Variants in ARHGAP26 observed in about 807,000 individuals in gnomAD.
The protein encoded by ARHGAP26 is Rho GTPase activating protein 26.
In ARHGAP26, 38 loss-of-function variants were observed where a neutral mutation model predicts 104.8. The observed-to-expected ratio is 0.36, with a 90% CI of 0.28 to 0.48. The LOEUF is 0.48. Among genes scored for constraint, ARHGAP26 ranks in the 20% least tolerant of loss-of-function variants. The pLI, the probability that ARHGAP26 is intolerant of heterozygous loss-of-function variation, is 0.99. For synonymous variants in ARHGAP26, 341 were observed against 340.0 expected (o/e 1.00, Z -0.03); for missense variants, 704 against 947.9 (o/e 0.74, Z 3.38).
intron 22 of ARHGAP26, 55 bp from the exon 23 acceptor site, chr5:143,222,303 G>C: frequency 7.7e-7 from 1 of 1,304,316 alleles, no homozygotes; most frequent in South Asian, 1.5e-5. Context: ...CACATCTGCC[G>C]CCTGCTCTAT....
intron 17 of ARHGAP26, among the ~76,000 whole-genome samples, chr5:143,092,158 G>GTTTTTTTT (rs896970979): frequency 8.5e-6 from 1 of 117,496 alleles, no homozygotes. Flanking sequence ...ACATCCCTTT[G>GTTTTTTTT]TTTTTTTTTT....
At chr5:142,976,035 T>C (rs547951187) in intron 11 of ARHGAP26, among the ~76,000 whole-genome samples, 1 of 152,370 alleles carries the variant, frequency 6.6e-6, no homozygotes, top group African/African-American at 2.4e-5. Flanking sequence ...AAGTATATTA[T>C]GCCATATGCC....
intron 20 of ARHGAP26, among the ~76,000 whole-genome samples, chr5:143,190,682 A>C (rs747629919): frequency 1.2e-4 from 19 of 152,256 alleles, no homozygotes; most frequent in Non-Finnish European, 2.4e-4. Flanking sequence ...GACCAAAATT[A>C]AAAATGTTTG....
chr5:143,064,284 G>A (rs971043118), intron 17 of ARHGAP26, among the ~76,000 whole-genome samples: 3 of 152,004 alleles, frequency 2.0e-5, no homozygotes, highest in Non-Finnish European at 2.9e-5. Flanking sequence ...TAGGCATTTG[G>A]GTTTTCAATC....
chr5:142,889,809 TG>T (rs1758239318), intron 5 of ARHGAP26, among the ~76,000 whole-genome samples: 1 of 151,870 alleles, frequency 6.6e-6, no homozygotes, highest in African/African-American at 2.4e-5. Context: ...TCACAGTTTT[TG>T]GGTTATGCAA....
At chr5:142,971,027 A>G (rs753639431) in intron 11 of ARHGAP26, among the ~76,000 whole-genome samples, 17 of 152,146 alleles carry the variant, frequency 1.1e-4, no homozygotes, top group East Asian at 1.9e-4. Flanking sequence ...AGATTCTACA[A>G]ATTTTTTAGG....
At chr5:143,066,403 C>G (rs1361678301) in intron 17 of ARHGAP26, among the ~76,000 whole-genome samples, 3 of 152,136 alleles carry the variant, frequency 2.0e-5, no homozygotes, top group Non-Finnish European at 4.4e-5. Context: ...TTCTGGAAAA[C>G]CTAAAGTAAT....
At chr5:143,158,744 C>T (rs1202765983) in intron 20 of ARHGAP26, among the ~76,000 whole-genome samples, 2 of 152,164 alleles carry the variant, frequency 1.3e-5, no homozygotes, top group Non-Finnish European at 2.9e-5. Flanking sequence ...GGTGATGGGG[C>T]TATTCCCTGG....
intron 17 of ARHGAP26, among the ~76,000 whole-genome samples, chr5:143,114,788 T>C (rs1475742748): frequency 6.6e-6 from 1 of 152,130 alleles, no homozygotes; most frequent in Non-Finnish European, 1.5e-5. Flanking sequence ...TGTAGAAATG[T>C]CCCATGGGAT....
At chr5:142,920,866 A>G (rs1763102497) in intron 10 of ARHGAP26, among the ~76,000 whole-genome samples, 2 of 152,212 alleles carry the variant, frequency 1.3e-5, no homozygotes, top group Non-Finnish European at 2.9e-5. Context: ...CTGGGGGGAA[A>G]GTAACAAACA....
chr5:142,994,015 C>T (rs1776025894), intron 11 of ARHGAP26, among the ~76,000 whole-genome samples: 1 of 152,184 alleles, frequency 6.6e-6, no homozygotes, highest in East Asian at 1.9e-4. Context: ...TTTTAGATGG[C>T]CTTGGTTCCT....
chr5:143,217,332 C>T (rs764750312), intron 22 of ARHGAP26, among the ~76,000 whole-genome samples: 9 of 152,100 alleles, frequency 5.9e-5, no homozygotes, highest in Non-Finnish European at 7.4e-5. Flanking sequence ...ATGTGCAATA[C>T]GTGCAATACC....
intron 1 of ARHGAP26, among the ~76,000 whole-genome samples, chr5:142,808,578 G>GAATACA (rs1561876551): frequency 1.3e-5 from 2 of 151,964 alleles, no homozygotes; most frequent in Admixed American, 1.3e-4. Flanking sequence ...GCAGGGTCTG[G>GAATACA]CCAGAAATAC....
intron 1 of ARHGAP26, among the ~76,000 whole-genome samples, chr5:142,784,409 A>T (rs1044810154): frequency 1.2e-4 from 18 of 152,044 alleles, no homozygotes; most frequent in African/African-American, 3.9e-4. Flanking sequence ...CTTGCTTGGG[A>T]TTTTGTGCTT....
At chr5:142,771,484 C>A in intron 1 of ARHGAP26, 3 of 1,098,952 alleles carry the variant, frequency 2.7e-6, no homozygotes, top group South Asian at 4.7e-5. Flanking sequence ...GTATTGGCAG[C>A]CAGTAATCTC....
rs569106709 is a variant in ARHGAP26 at position 142,774,128 on chromosome 5, C to G, written c.154+3213C>G. Among the ~76,000 whole-genome samples, 4 of 152,282 alleles carry G rather than the reference C, an allele frequency of 2.6e-5. No individual in the cohort carries two copies. In the South Asian group the frequency reaches 8.3e-4, roughly 32 times the overall value. Reference sequence around the variant, plus strand: ...CAAAATATTTTCCCCAGATCCTTTGCTTTGCTTCAGTACCTTGTGAATAAA... The same window carrying G: ...CAAAATATTTTCCCCAGATCCTTTGGTTTGCTTCAGTACCTTGTGAATAAA... On this transcript the variant is annotated intron_variant, in intron 1 of 22. Coordinates refer to ENST00000645722, the MANE Select transcript of ARHGAP26 (RefSeq NM_001135608.3).
chr5:143,228,420 A>T lies in ARHGAP26; in HGVS notation c.*5974A>T, dbSNP rs1811826780. ...TTAAAATGATTAAAGATGTAAATTC[A>T]GTGCCATTTTAAAACTGTTCATATT... On this transcript the variant is annotated 3_prime_UTR_variant, in exon 23 of 23. Transcript: ENST00000645722. 1 of 220,402 alleles carries T rather than the reference A, an allele frequency of 4.5e-6. No homozygotes were observed. The highest frequency in any genetic ancestry group is 5.8e-5 in the Admixed American group (1 of 17,348). 13.7% of individuals were successfully genotyped at this position (220,402 alleles called of 1,614,324 possible).
intron 3 of ARHGAP26, among the ~76,000 whole-genome samples, chr5:142,878,237 A>C (rs1370614643): frequency 6.6e-6 from 1 of 152,234 alleles, no homozygotes; most frequent in African/African-American, 2.4e-5. Flanking sequence ...GAAGAGTGAT[A>C]AATGAATGAC....
chr5:142,904,983 G>A (rs1760909795), intron 8 of ARHGAP26, among the ~76,000 whole-genome samples: 2 of 152,146 alleles, frequency 1.3e-5, no homozygotes, highest in South Asian at 4.1e-4. Context: ...CAGTAGTGGT[G>A]TTGGAGTATT....
Sources: gnomAD v4.1 joint callset for allele counts (sites outside exome capture counted in the v4.1 genomes callset) on GRCh38, gnomAD v4.1.1 for gene constraint, MANE v1.5 for transcripts, NCBI Gene and HGNC (gene_info 2026-07-23, HGNC 2026-07-21) for gene names.